The following LPP variants were observed in gnomAD, a reference collection of about 807,000 sequenced individuals.
LPP encodes the protein LIM domain containing preferred translocation partner in lipoma.
Under a neutral mutation model 60.4 loss-of-function variants are expected in LPP, and 38 were observed. That is an observed-to-expected ratio of 0.63 (90% CI 0.49 to 0.83). The LOEUF is 0.83. Ranked by LOEUF, LPP falls within the 40% of genes least tolerant of loss-of-function variation. The pLI, the probability that LPP is intolerant of heterozygous loss-of-function variation, is 0.00. For synonymous variants in LPP, 328 were observed against 290.8 expected (o/e 1.13, Z -1.30); for missense variants, 902 against 783.6 (o/e 1.15, Z -1.80).
At chr3:188,256,174 G>A (rs1016547572) in intron 2 of LPP, among the ~76,000 whole-genome samples, 5 of 152,126 alleles carry the variant, frequency 3.3e-5, no homozygotes, top group African/African-American at 7.2e-5. Flanking sequence ...AGCTAATAAT[G>A]TATGGGTTAA....
chr3:188,729,912 A>G (rs1486634055), intron 8 of LPP, among the ~76,000 whole-genome samples: 1 of 152,102 alleles, frequency 6.6e-6, no homozygotes, highest in Non-Finnish European at 1.5e-5. Flanking sequence ...ACTTAAGTTC[A>G]GGAATTTTTG....
At chr3:188,631,300 CA>C (rs1847812851) in intron 7 of LPP, among the ~76,000 whole-genome samples, 1 of 152,120 alleles carries the variant, frequency 6.6e-6, no homozygotes, top group South Asian at 2.1e-4. Context: ...CTTTAATCTG[CA>C]CAACTTTTAT....
chr3:188,709,983 A>G (rs1866291374), intron 8 of LPP: 1 of 152,176 alleles, frequency 6.6e-6, no homozygotes, highest in African/African-American at 2.4e-5. Flanking sequence ...GGTGATAAGC[A>G]TTTCTTAGAC....
At chr3:188,620,114 A>G (rs1845537344) in intron 7 of LPP, among the ~76,000 whole-genome samples, 1 of 152,196 alleles carries the variant, frequency 6.6e-6, no homozygotes, top group South Asian at 2.1e-4. Flanking sequence ...GTATTTTTAT[A>G]TAATAACATT....
intron 9 of LPP, among the ~76,000 whole-genome samples, chr3:188,857,464 A>G (rs1480936137): frequency 2.6e-5 from 4 of 152,230 alleles, no homozygotes; most frequent in African/African-American, 4.8e-5. Flanking sequence ...GAATTCTACC[A>G]TTCTACCTCC....
At chr3:188,359,132 C>A (rs1261740647) in intron 3 of LPP, among the ~76,000 whole-genome samples, 1 of 152,286 alleles carries the variant, frequency 6.6e-6, no homozygotes, top group South Asian at 2.1e-4. Flanking sequence ...GTAAACTTTC[C>A]AACAAGTTGT....
At chr3:188,398,467 G>T (rs1478978384) in intron 3 of LPP, among the ~76,000 whole-genome samples, 1 of 152,198 alleles carries the variant, frequency 6.6e-6, no homozygotes, top group South Asian at 2.1e-4. Context: ...TTGTTCTCTC[G>T]TTACCTCTTC....
At chr3:188,300,572 T>TA (rs1412435008) in intron 2 of LPP, among the ~76,000 whole-genome samples, 1 of 151,600 alleles carries the variant, frequency 6.6e-6, no homozygotes, top group Non-Finnish European at 1.5e-5. Context: ...TCAGTTAAGG[T>TA]AAAAAGGTCA....
intron 9 of LPP, among the ~76,000 whole-genome samples, chr3:188,801,212 A>T (rs913895485): frequency 6.6e-6 from 1 of 152,202 alleles, no homozygotes; most frequent in Non-Finnish European, 1.5e-5. Flanking sequence ...CATCTGTCCT[A>T]GGCTCTACAA....
chr3:188,681,779 A>T (rs1380583334), intron 7 of LPP, among the ~76,000 whole-genome samples: 1 of 152,138 alleles, frequency 6.6e-6, no homozygotes, highest in Non-Finnish European at 1.5e-5. Flanking sequence ...CTATATACAA[A>T]ATTCTTTCAC....
chr3:188,231,804 A>C (rs1401394166), intron 2 of LPP, among the ~76,000 whole-genome samples: 1 of 152,200 alleles, frequency 6.6e-6, no homozygotes, highest in Non-Finnish European at 1.5e-5. Flanking sequence ...GATTAGGAAA[A>C]ATAGGTCAAA....
chr3:188,871,130 A>G (rs577982642), intron 10 of LPP, among the ~76,000 whole-genome samples: 1 of 152,298 alleles, frequency 6.6e-6, no homozygotes, highest in African/African-American at 2.4e-5. Context: ...TTCTTATCTT[A>G]GAGGAGTAAA....
chr3:188,466,824 T>TAG (rs1800544227), intron 4 of LPP, among the ~76,000 whole-genome samples: 4 of 121,120 alleles, frequency 3.3e-5, no homozygotes, highest in Non-Finnish European at 5.2e-5. Context: ...TATATATATA[T>TAG]ATATATATAT....
chr3:188,303,350 A>G (rs551536058), intron 2 of LPP, among the ~76,000 whole-genome samples: 2 of 152,276 alleles, frequency 1.3e-5, no homozygotes, highest in African/African-American at 4.8e-5. Flanking sequence ...GAAAATAGAG[A>G]ACTTTGTTTT....
At chr3:188,823,518 G>T (rs892016623) in intron 9 of LPP, among the ~76,000 whole-genome samples, 9 of 152,122 alleles carry the variant, frequency 5.9e-5, no homozygotes, top group African/African-American at 2.2e-4. Context: ...TGTTGTAAAT[G>T]ATAATAAAAA....
intron 4 of LPP, among the ~76,000 whole-genome samples, chr3:188,471,582 A>G (rs1358816697): frequency 1.3e-5 from 2 of 152,178 alleles, no homozygotes; most frequent in Non-Finnish European, 2.9e-5. Context: ...AAATAGAAAA[A>G]TAGAGCACAC....
chr3:188,191,717 G>A (rs563764626), intron 1 of LPP, among the ~76,000 whole-genome samples: 16 of 152,222 alleles, frequency 1.1e-4, no homozygotes, highest in African/African-American at 2.9e-4. Flanking sequence ...CAACTCAGCC[G>A]TTGCTACGAG....
intron 8 of LPP, among the ~76,000 whole-genome samples, chr3:188,739,901 T>C (rs1560138968): frequency 1.3e-5 from 2 of 152,108 alleles, no homozygotes; most frequent in Non-Finnish European, 2.9e-5. Context: ...CTCTGAAAGT[T>C]ACTTCCTTGG....
chr3:188,247,539 C>T (rs1727418898), intron 2 of LPP, among the ~76,000 whole-genome samples: 1 of 152,050 alleles, frequency 6.6e-6, no homozygotes, highest in Admixed American at 6.5e-5. Flanking sequence ...TGCGTTGGCT[C>T]ATGCCTGTAA....
Sources: allele counts gnomAD v4.1 joint callset (sites outside exome capture counted in the v4.1 genomes callset), GRCh38; gene constraint gnomAD v4.1.1; transcripts MANE v1.5; gene names NCBI Gene and HGNC (gene_info 2026-07-23, HGNC 2026-07-21).